PIK3R4: variants seen among roughly 807,000 people sequenced by gnomAD.
PIK3R4 encodes phosphoinositide-3-kinase regulatory subunit 4.
Under a neutral mutation model 136.5 loss-of-function variants are expected in PIK3R4, and 46 were observed. That is an observed-to-expected ratio of 0.34 (90% CI 0.27 to 0.43). The LOEUF (loss-of-function observed/expected upper bound fraction) is 0.43. PIK3R4 is among the 20% of genes least tolerant of loss of function. The pLI is 1.00. For synonymous variants in PIK3R4, 557 were observed against 566.7 expected, an observed-to-expected ratio of 0.98 and a Z score of 0.24; for missense variants, 1,331 against 1,649.5, an observed-to-expected ratio of 0.81 and a Z score of 3.35.
At chr3:130,688,540 T>TG (rs1460187773) in intron 14 of PIK3R4, among the ~76,000 whole-genome samples, 1 of 152,222 alleles carries the variant, frequency 6.6e-6, no homozygotes, top group Non-Finnish European at 1.5e-5. Flanking sequence ...TCACTTTTTG[T>TG]GGTATACAGT....
chr3:130,723,307 C>A (rs10433411), intron 7 of PIK3R4, 107 bp downstream of exon 7: 2 of 907,522 alleles, frequency 2.2e-6, no homozygotes, highest in East Asian at 5.2e-5. Context: ...TAGTAGGAAC[C>A]CCACACAATC....
intron 16 of PIK3R4, among the ~76,000 whole-genome samples, chr3:130,682,826 G>GA (rs2066467310): frequency 6.6e-6 from 1 of 152,200 alleles, no homozygotes; most frequent in Admixed American, 6.5e-5. Flanking sequence ...TAGAATTGTA[G>GA]GTGATAAGGG....
intron 13 of PIK3R4, among the ~76,000 whole-genome samples, chr3:130,692,019 C>T (rs528664621): frequency 2.9e-3 from 434 of 151,650 alleles, no homozygotes; most frequent in African/African-American, 9.9e-3. Context: ...GGACTACAGG[C>T]GCCCACCACC....
intron 7 of PIK3R4, among the ~76,000 whole-genome samples, chr3:130,720,399 T>C (rs1319123822): frequency 1.3e-5 from 2 of 152,196 alleles, no homozygotes; most frequent in Non-Finnish European, 1.5e-5. Context: ...TTCTCCATGT[T>C]GATCAGGCTG....
At chr3:130,702,351 G>A (rs531495820) in intron 13 of PIK3R4, among the ~76,000 whole-genome samples, 4 of 151,944 alleles carry the variant, frequency 2.6e-5, no homozygotes, top group Non-Finnish European at 2.9e-5. Flanking sequence ...CACGGACCTA[G>A]GAGTCTTTAC....
Position 130,733,872 on chromosome 3 carries a change from C to G in PIK3R4, c.1126G>C (p.Val376Leu). 6.2e-7 allele frequency: 1 copy of G among 1,614,120 alleles called. No individual in the cohort carries two copies. The highest frequency in any genetic ancestry group is 2.2e-5 in the East Asian group (1 of 44,888). Residue 376 changes from valine (V) to leucine (L), a missense_variant, in exon 4 of 20, where the codon GTT becomes CTT. Physicochemically the swap from Val to Leu is conservative, Grantham distance 32 (BLOSUM62 1). Transcript: ENST00000356763. ...AEGEPKENGL[V>L]ILVSVITSCL... ...GATGTTATAACAGATACCAAGATAA[C>G]CAGCCCATTTTCCTTAGGCTCTCCT...
At chr3:130,723,642 C>T in intron 6 of PIK3R4, 55 bp from the exon 7 acceptor site, 1 of 1,442,476 alleles carries the variant, frequency 6.9e-7, no homozygotes, top group Non-Finnish European at 9.4e-7. Context: ...GTACATATAT[C>T]ATTAAGTAAA....
At chr3:130,745,307 A>G (rs2066846263) in intron 1 of PIK3R4, 43 bp from the exon 2 acceptor site, 5 of 1,331,878 alleles carry the variant, frequency 3.8e-6, no homozygotes, top group Non-Finnish European at 5.1e-6. Flanking sequence ...ACAAGAAACA[A>G]AGAAGCTGTG....
At chr3:130,734,645 G>A (rs1169579464) in intron 3 of PIK3R4, among the ~76,000 whole-genome samples, 1 of 152,196 alleles carries the variant, frequency 6.6e-6, no homozygotes, top group African/African-American at 2.4e-5. Context: ...TAATCAGTAG[G>A]GGAATCAGTG....
chr3:130,686,548 C>T (rs1167793655), intron 14 of PIK3R4, 126 bp from the exon 15 acceptor site: 10 of 599,798 alleles, frequency 1.7e-5, no homozygotes, highest in South Asian at 9.4e-5. Flanking sequence ...ATCAAGAAAA[C>T]GAAAGCCGAC....
At chr3:130,708,225 C>T (rs2066616081) in intron 10 of PIK3R4, 66 bp downstream of exon 10, 1 of 1,260,854 alleles carries the variant, frequency 7.9e-7, no homozygotes, top group African/African-American at 1.5e-5. Context: ...TATTAATTAG[C>T]TAAAAAACAG....
chr3:130,745,300 A>G (rs1439265580), intron 1 of PIK3R4, 36 bp from the exon 2 acceptor site: 1 of 1,372,400 alleles, frequency 7.3e-7, no homozygotes, highest in Non-Finnish European at 9.8e-7. Context: ...AAAAAAGACA[A>G]GAAACAAAGA....
At chr3:130,708,234 A>G (rs2306684) in intron 10 of PIK3R4, 57 bp downstream of exon 10, 31,250 of 1,340,850 alleles carry the variant, frequency 0.023, 1,399 homozygotes, top group Admixed American at 0.13. Context: ...GCTAAAAAAC[A>G]GTCTTATGAA....
chr3:130,710,879 C>T (rs1234346811), intron 9 of PIK3R4, among the ~76,000 whole-genome samples: 1 of 150,940 alleles, frequency 6.6e-6, no homozygotes, highest in African/African-American at 2.4e-5. Flanking sequence ...ATTTTTATTG[C>T]ATAAAGTGAC....
intron 13 of PIK3R4, among the ~76,000 whole-genome samples, chr3:130,699,304 G>A (rs954294778): frequency 1.3e-5 from 2 of 152,160 alleles, no homozygotes; most frequent in Non-Finnish European, 2.9e-5. Context: ...CAAGGTATGG[G>A]CCAAGTCAAA....
In PIK3R4 at chr3:130,735,943, A is replaced by G. The variant is rs1362092784; in HGVS notation, c.793T>C (p.Leu265=). The change falls in exon 3 of 20, where the codon TTG becomes CTG. Residue 265 remains leucine, a synonymous_variant. Coordinates refer to ENST00000356763, the MANE Select transcript of PIK3R4 (RefSeq NM_014602.3). ...GVPLFDLSQL[L]AYRNGHFFPE... ...AAAAAATGTCCATTTCTATAAGCCA[A>G]AAGTTGAGAGAGATCAAATAATGGT... 6.2e-7 allele frequency: 1 copy of G among 1,612,836 alleles called. No homozygotes were observed. The highest frequency in any genetic ancestry group is 8.5e-7 in the Non-Finnish European group (1 of 1,179,372).
intron 14 of PIK3R4, among the ~76,000 whole-genome samples, chr3:130,687,487 G>GT (rs1295942877): frequency 6.6e-6 from 1 of 152,058 alleles, no homozygotes; most frequent in Non-Finnish European, 1.5e-5. Flanking sequence ...CAAAAATTCA[G>GT]TTTCTGCTTT....
Position 130,680,816 on chromosome 3 carries a change from G to A in PIK3R4, c.3798-95C>T, listed in dbSNP as rs144886730. The A allele has an allele frequency of 6.2e-5, 53 of 856,988 alleles. No homozygotes were observed. In the African/African-American group the frequency reaches 7.7e-4, roughly 12 times the overall value. The allele number at this position is 856,988 out of a possible 1,614,324, so 53.1% of individuals were successfully genotyped here. On this transcript the variant is annotated intron_variant, in intron 18 of 19. Transcript: ENST00000356763. Reference sequence around the variant, plus strand: ...TCTTCATCAATGCATTTTTTCTTTTGCATTAGGAAAAGAGGTTTTCATAGA... The same window carrying A: ...TCTTCATCAATGCATTTTTTCTTTTACATTAGGAAAAGAGGTTTTCATAGA...
rs143152253 is a variant in PIK3R4 at position 130,733,587 on chromosome 3, C to A, written c.1411G>T (p.Ala471Ser). 2.3e-3 allele frequency: 3,689 copies of A among 1,613,728 alleles called. 6 individuals carry two copies. Among genetic ancestry groups the A allele is most frequent in the Non-Finnish European group, 2.8e-3 (3,317 of 1,179,734 alleles). ...EYILPGIAHL[A>S]QDDATIVRLA... Reference sequence around the variant, plus strand: ...CTAACGATAGTAGCATCATCTTGGGCTAAGTGGGCTATGCCTGGCAGAATG... The same window carrying A: ...CTAACGATAGTAGCATCATCTTGGGATAAGTGGGCTATGCCTGGCAGAATG... Residue 471 changes from alanine to serine, a missense_variant, in exon 4 of 20, where the codon GCC (alanine) becomes TCC (serine). By Grantham distance (99) the Ala-to-Ser change is moderately conservative. Around this residue, in one of 2 missense-constraint regions of PIK3R4, gnomAD observed 1,180 missense variants for 1,407.0 expected, o/e 0.84. Transcript: ENST00000356763.
Sources: allele counts gnomAD v4.1 joint callset (sites outside exome capture counted in the v4.1 genomes callset), GRCh38; gene constraint gnomAD v4.1.1; regional missense constraint gnomAD v4.1.1; transcripts MANE v1.5; gene names NCBI Gene and HGNC (gene_info 2026-07-23, HGNC 2026-07-21).